Variants in PRELID2 observed in about 807,000 individuals in gnomAD.
PRELID2 encodes the protein PRELI domain containing 2, also known as PRELI domain-containing protein 2.
In PRELID2, 25 loss-of-function variants were observed where a neutral mutation model predicts 28.4. That is an observed-to-expected ratio of 0.88 (90% CI 0.64 to 1.23). PRELID2 has a LOEUF of 1.23. Among genes scored for constraint, PRELID2 ranks in the 50% most tolerant of loss-of-function variants. PRELID2 has a pLI of 0.00. For synonymous variants in PRELID2, 76 were observed against 71.6 expected, an observed-to-expected ratio of 1.06 and a Z score of -0.31; for missense variants, 201 against 214.4, an observed-to-expected ratio of 0.94 and a Z score of 0.39.
chr5:145,385,123 C>G, the PRELID2 span, among the ~76,000 whole-genome samples: 1 of 152,212 alleles, frequency 6.6e-6, no homozygotes, highest in East Asian at 1.9e-4. Flanking sequence ...TCAAAACTTA[C>G]TAAATTATAC....
chr5:145,762,884 A>T (rs1757540225), intron 6 of PRELID2, among the ~76,000 whole-genome samples: 1 of 152,200 alleles, frequency 6.6e-6, no homozygotes, highest in Non-Finnish European at 1.5e-5. Flanking sequence ...CTGGCATTTC[A>T]TCTGTCTCCA....
At chr5:145,620,297 C>A (rs1299896464) in intron 1 of PRELID2, among the ~76,000 whole-genome samples, 1 of 152,164 alleles carries the variant, frequency 6.6e-6, no homozygotes, top group Admixed American at 6.5e-5. Context: ...GCAAAGAGAT[C>A]TACAAGCAGC....
At chr5:145,693,914 G>A (rs911344403) in intron 1 of PRELID2, among the ~76,000 whole-genome samples, 1 of 152,186 alleles carries the variant, frequency 6.6e-6, no homozygotes. Flanking sequence ...TAGGGAGGGA[G>A]CAAATCACAA....
chr5:145,808,323 T>A (rs2149838816), intron 4 of PRELID2, among the ~76,000 whole-genome samples: 1 of 151,516 alleles, frequency 6.6e-6, no homozygotes, highest in South Asian at 2.1e-4. Flanking sequence ...CACACAGAAG[T>A]CACCAGACTA....
rs141534020 is a variant in PRELID2, at chr5:145,676,119, C to T, written n.70+88812G>A. On this transcript the variant is annotated intron_variant and non_coding_transcript_variant, in intron 1 of 2. Coordinates refer to the PRELID2 transcript ENST00000510259. ...CCTGTAATCCCAGCTACTAGAGAGG[C>T]TGAGGTAGGAGAATCGCTTGAACTT... Among the ~76,000 whole-genome samples the T allele has an allele frequency of 7.6e-3, 1,136 of 150,390 alleles. 10 individuals are homozygous for T. The highest frequency in any genetic ancestry group is 0.027 in the African/African-American group (1,099 of 40,896).
intron 4 of PRELID2, among the ~76,000 whole-genome samples, chr5:145,796,858 A>C: frequency 6.6e-6 from 1 of 152,150 alleles, no homozygotes; most frequent in Admixed American, 6.5e-5. Context: ...CGGTTTCCTC[A>C]CATGTAAAAT....
the PRELID2 span, among the ~76,000 whole-genome samples, chr5:145,311,072 G>A: frequency 1.3e-5 from 2 of 152,174 alleles, no homozygotes; most frequent in African/African-American, 4.8e-5. Context: ...CAGATGACAA[G>A]AAGGTGACAA....
chr5:145,373,875 AATAT>A, the PRELID2 span, among the ~76,000 whole-genome samples: 2 of 79,372 alleles, frequency 2.5e-5, no homozygotes, highest in African/African-American at 8.9e-5. Context: ...CAACATATAT[AATAT>A]ATATGATATT....
At chr5:145,656,759 G>T (rs533931475) in intron 1 of PRELID2, among the ~76,000 whole-genome samples, 1 of 128,220 alleles carries the variant, frequency 7.8e-6, no homozygotes, top group Non-Finnish European at 1.6e-5. Flanking sequence ...TCATGGGGTG[G>T]GGGGAGGGGG....
At chr5:145,661,150 G>A (rs550610386) in intron 1 of PRELID2, among the ~76,000 whole-genome samples, 1 of 152,248 alleles carries the variant, frequency 6.6e-6, no homozygotes, top group South Asian at 2.1e-4. Context: ...CAGGCATCAA[G>A]CTAGTTTCTG....
At chr5:145,352,704 G>A in the PRELID2 span, among the ~76,000 whole-genome samples, 1 of 152,040 alleles carries the variant, frequency 6.6e-6, no homozygotes, top group Non-Finnish European at 1.5e-5. Flanking sequence ...CCATCTTCAG[G>A]CTGCAAATTT....
intron 1 of PRELID2, among the ~76,000 whole-genome samples, chr5:145,620,344 C>T (rs541276384): frequency 3.9e-5 from 6 of 152,206 alleles, no homozygotes; most frequent in South Asian, 2.1e-4. Flanking sequence ...TACATTTGTC[C>T]GAGCCTACAG....
chr5:145,599,642 C>T (rs1231681312), intron 1 of PRELID2, among the ~76,000 whole-genome samples: 1 of 151,696 alleles, frequency 6.6e-6, no homozygotes, highest in East Asian at 1.9e-4. Context: ...TAGATTGCTC[C>T]TTAATGACCT....
At chr5:145,673,915 G>C (rs1180669340) in intron 1 of PRELID2, among the ~76,000 whole-genome samples, 2 of 152,026 alleles carry the variant, frequency 1.3e-5, no homozygotes, top group African/African-American at 4.8e-5. Context: ...AAATAAGAAG[G>C]CTTTCTTTCC....
rs186326252 is a variant in PRELID2, at chr5:145,661,225, T to C, written n.70+103706A>G. Reference sequence around the variant, plus strand: ...TCCAACAAATGTTTGAGGAAAAGCATTGTCTGCCTTAACTTTGACTTTCAT... The same window carrying C: ...TCCAACAAATGTTTGAGGAAAAGCACTGTCTGCCTTAACTTTGACTTTCAT... On this transcript the variant is annotated intron_variant and non_coding_transcript_variant, in intron 1 of 2. Transcript: ENST00000510259. Among the ~76,000 whole-genome samples, 6 of 152,294 alleles carry C rather than the reference T, an allele frequency of 3.9e-5. No individual in the cohort carries two copies. In the East Asian group the frequency reaches 1.2e-3, roughly 29 times the overall value.
the PRELID2 span, among the ~76,000 whole-genome samples, chr5:145,348,431 T>A: frequency 6.6e-6 from 1 of 152,138 alleles, no homozygotes; most frequent in Non-Finnish European, 1.5e-5. Context: ...TCTGTCCATT[T>A]ACCTCTTAAA....
At position 145,518,444 on chromosome 5, in the gene PRELID2, C is replaced by G. The variant is rs1306718529; in HGVS notation, n.71-45129G>C. 4.6e-5 allele frequency among the ~76,000 whole-genome samples: 7 copies of G among 152,184 alleles called. No individual in the cohort carries two copies. The East Asian group carries it at 1.4e-3, about 30-fold the overall frequency. On this transcript the variant is annotated intron_variant and non_coding_transcript_variant, in intron 1 of 2. Transcript: ENST00000510259. Reference sequence around the variant, plus strand: ...CGAGTTCCTGACCTCGTGATCCTCCCACCTCGGCCTCCCAAAGGGCTGGGA... The same window carrying G: ...CGAGTTCCTGACCTCGTGATCCTCCGACCTCGGCCTCCCAAAGGGCTGGGA...
At chr5:145,465,752 T>C in the PRELID2 span, among the ~76,000 whole-genome samples, 1 of 152,126 alleles carries the variant, frequency 6.6e-6, no homozygotes, top group Admixed American at 6.6e-5. Context: ...TAGTAAATAT[T>C]GTCCGAGAAA....
chr5:145,383,831 T>G, the PRELID2 span, among the ~76,000 whole-genome samples: 1 of 151,416 alleles, frequency 6.6e-6, no homozygotes, highest in Non-Finnish European at 1.5e-5. Flanking sequence ...CACATGCACA[T>G]ACACACACAC....
Sources: gnomAD v4.1 joint callset for allele counts (sites outside exome capture counted in the v4.1 genomes callset) on GRCh38, gnomAD v4.1.1 for gene constraint, MANE v1.5 for transcripts, NCBI Gene and HGNC (gene_info 2026-07-23, HGNC 2026-07-21) for gene names.